Variants in KCNIP4 observed in about 807,000 individuals in gnomAD.
The protein encoded by KCNIP4 is potassium voltage-gated channel interacting protein 4, also known as Kv channel-interacting protein 4.
A neutral mutation model predicts 34.0 loss-of-function variants in KCNIP4; 12 were observed. The ratio of observed to expected loss-of-function variants is 0.35; its 90% CI spans 0.23 to 0.57. The LOEUF (loss-of-function observed/expected upper bound fraction) is 0.57. KCNIP4 is among the 20% of genes least tolerant of loss of function. The pLI, the probability that KCNIP4 is intolerant of heterozygous loss-of-function variation, is 0.83. For synonymous variants in KCNIP4, 124 were observed against 102.2 expected (o/e 1.21, Z -1.29); for missense variants, 238 against 311.7 (o/e 0.76, Z 1.78).
intron 1 of KCNIP4, among the ~76,000 whole-genome samples, chr4:20,977,755 C>G (rs1428313330): frequency 1.3e-5 from 2 of 152,298 alleles, no homozygotes; most frequent in Non-Finnish European, 1.5e-5. Flanking sequence ...CAATTTTCTG[C>G]TTTTAGTTTC....
chr4:21,375,711 C>A (rs528565656), intron 1 of KCNIP4, among the ~76,000 whole-genome samples: 15 of 152,080 alleles, frequency 9.9e-5, no homozygotes, highest in Non-Finnish European at 1.9e-4. Flanking sequence ...GGACTACAGG[C>A]GCCTGCCACC....
At chr4:21,513,747 C>G (rs1033341972) in intron 1 of KCNIP4, among the ~76,000 whole-genome samples, 1 of 152,156 alleles carries the variant, frequency 6.6e-6, no homozygotes, top group Non-Finnish European at 1.5e-5. Context: ...GCTCTTTCAA[C>G]GTTGCTACTT....
At chr4:20,912,817 C>CA (rs1728454686) in intron 1 of KCNIP4, among the ~76,000 whole-genome samples, 1 of 151,992 alleles carries the variant, frequency 6.6e-6, no homozygotes, top group African/African-American at 2.4e-5. Flanking sequence ...AAATTGAAAT[C>CA]AAAATCACAA....
intron 1 of KCNIP4, among the ~76,000 whole-genome samples, chr4:21,442,131 T>C (rs1235000939): frequency 1.3e-5 from 2 of 152,208 alleles, no homozygotes; most frequent in Non-Finnish European, 2.9e-5. Flanking sequence ...AATTGTACTC[T>C]GCACTACTAT....
At chr4:21,158,762 T>A (rs1753351226) in intron 1 of KCNIP4, among the ~76,000 whole-genome samples, 1 of 152,112 alleles carries the variant, frequency 6.6e-6, no homozygotes, top group South Asian at 2.1e-4. Flanking sequence ...CCTGTTCGAA[T>A]TGTATAGTGC....
Position 20,729,020 on chromosome 4 carries a change from G to GTA in KCNIP4, c.*1060_*1061dup, listed in dbSNP as rs1746955644. ...CTAAATCTTGGTAGTAGTTGTCAAT[G>GTA]TAATGGAACCACTGGTGCTTTCAAA... On this transcript the variant is annotated 3_prime_UTR_variant, in exon 9 of 9. Transcript: ENST00000382152. 1 of 152,302 alleles carries GTA rather than the reference G, an allele frequency of 6.6e-6. No individual in the cohort carries two copies. The highest frequency in any genetic ancestry group is 2.4e-5 in the African/African-American group (1 of 41,454). The allele number at this position is 152,302 out of a possible 1,614,324, so 9.4% of individuals were successfully genotyped here. A position where few individuals can be genotyped will look rare whatever the true frequency, so the allele number is the denominator to read the frequency against.
chr4:21,376,188 T>A (rs1174505378), intron 1 of KCNIP4, among the ~76,000 whole-genome samples: 1 of 152,350 alleles, frequency 6.6e-6, no homozygotes, highest in South Asian at 2.1e-4. Context: ...ATAAAACTTG[T>A]ATGTTAAAAA....
At chr4:20,976,692 G>T (rs949452870) in intron 1 of KCNIP4, among the ~76,000 whole-genome samples, 2 of 152,150 alleles carry the variant, frequency 1.3e-5, no homozygotes, top group African/African-American at 4.8e-5. Context: ...TGATTTATTA[G>T]TTAGGTCTTG....
chr4:21,136,788 G>A (rs1490594104), intron 1 of KCNIP4, among the ~76,000 whole-genome samples: 2 of 152,122 alleles, frequency 1.3e-5, no homozygotes, highest in South Asian at 2.1e-4. Flanking sequence ...GTTTTGATAC[G>A]ACTTAGATAT....
At chr4:21,555,921 C>T (rs1738966872) in intron 1 of KCNIP4, among the ~76,000 whole-genome samples, 3 of 152,106 alleles carry the variant, frequency 2.0e-5, no homozygotes, top group Middle Eastern at 6.8e-3. Context: ...GCATGCTGTG[C>T]CAGCTGTGTC....
intron 2 of KCNIP4, among the ~76,000 whole-genome samples, chr4:20,867,660 A>G (rs2149505070): frequency 6.6e-6 from 1 of 152,272 alleles, no homozygotes; most frequent in Admixed American, 6.6e-5. Flanking sequence ...TAACAAAACA[A>G]AAATAGACAA....
intron 1 of KCNIP4, among the ~76,000 whole-genome samples, chr4:21,255,883 T>C (rs1761029015): frequency 6.6e-6 from 1 of 152,126 alleles, no homozygotes; most frequent in South Asian, 2.1e-4. Flanking sequence ...CATTTATTAA[T>C]TCAATTAATT....
At chr4:21,767,693 C>A (rs1314164825) in intron 1 of KCNIP4, among the ~76,000 whole-genome samples, 1 of 151,796 alleles carries the variant, frequency 6.6e-6, no homozygotes, top group Non-Finnish European at 1.5e-5. Flanking sequence ...CGTTAAATAA[C>A]TGTTTTTCTC....
At chr4:21,654,075 A>G (rs1747720651) in intron 1 of KCNIP4, among the ~76,000 whole-genome samples, 1 of 152,240 alleles carries the variant, frequency 6.6e-6, no homozygotes, top group Non-Finnish European at 1.5e-5. Flanking sequence ...AAATGTTACA[A>G]CAAAGAATAG....
chr4:20,851,143 C>T (rs1720984589), intron 2 of KCNIP4, among the ~76,000 whole-genome samples: 2 of 152,118 alleles, frequency 1.3e-5, no homozygotes, highest in Admixed American at 1.3e-4. Flanking sequence ...ATCCCATCGC[C>T]CAGGTATGAA....
intron 2 of KCNIP4, among the ~76,000 whole-genome samples, chr4:20,855,729 G>A (rs1721503108): frequency 6.6e-6 from 1 of 151,946 alleles, no homozygotes; most frequent in Non-Finnish European, 1.5e-5. Context: ...ATGAGTAATA[G>A]GAGATGAAAA....
rs191467511 is a variant in KCNIP4 at position 21,624,159 on chromosome 4, T to A, written c.61+324412A>T. On this transcript the variant is annotated intron_variant, in intron 1 of 8. Transcript: ENST00000382152. ...GAAGAAACTTCAAATTCTGCCTCCA[T>A]TACTTACCAACAGTGAATTTGGGCA... 2.0e-5 allele frequency among the ~76,000 whole-genome samples: 3 copies of A among 152,240 alleles called. No homozygotes were observed. The East Asian group carries it at 5.8e-4, about 30-fold the overall frequency.
intron 1 of KCNIP4, among the ~76,000 whole-genome samples, chr4:21,444,316 C>A (rs930526628): frequency 5.3e-5 from 8 of 152,024 alleles, no homozygotes; most frequent in Admixed American, 5.2e-4. Flanking sequence ...GGCAGAGATA[C>A]AACAAAAAAA....
chr4:21,795,637 A>C (rs149540888), intron 1 of KCNIP4, among the ~76,000 whole-genome samples: 406 of 152,236 alleles, frequency 2.7e-3, no homozygotes, highest in African/African-American at 9.5e-3. Flanking sequence ...GGGACATCTC[A>C]CACAATACTT....
Sources: allele counts gnomAD v4.1 joint callset (sites outside exome capture counted in the v4.1 genomes callset), GRCh38; gene constraint gnomAD v4.1.1; transcripts MANE v1.5; gene names NCBI Gene and HGNC (gene_info 2026-07-23, HGNC 2026-07-21).